The following AGPAT4 variants were observed in gnomAD, a reference collection of about 807,000 sequenced individuals.
The protein encoded by AGPAT4 is 1-acyl-sn-glycerol-3-phosphate acyltransferase delta.
Under a neutral mutation model 48.0 loss-of-function variants are expected in AGPAT4, and 15 were observed. The ratio of observed to expected loss-of-function variants is 0.31; its 90% CI spans 0.21 to 0.48. The LOEUF (loss-of-function observed/expected upper bound fraction) is 0.48. AGPAT4 is among the 20% of genes least tolerant of loss of function. The pLI, the probability that AGPAT4 is intolerant of heterozygous loss-of-function variation, is 0.99. For synonymous variants in AGPAT4, 178 were observed against 198.7 expected (o/e 0.90, Z 0.88); for missense variants, 314 against 482.5 (o/e 0.65, Z 3.27).
At chr6:161,194,190 C>T (rs985326753) in intron 2 of AGPAT4, among the ~76,000 whole-genome samples, 1 of 152,164 alleles carries the variant, frequency 6.6e-6, no homozygotes, top group Non-Finnish European at 1.5e-5. Context: ...ACAATGGATA[C>T]ATTTTGAACT....
intron 2 of AGPAT4, among the ~76,000 whole-genome samples, chr6:161,211,613 C>A (rs997707196): frequency 7.9e-5 from 12 of 151,814 alleles, no homozygotes; most frequent in Non-Finnish European, 1.5e-4. Context: ...CTGTGTAAGT[C>A]ATAAAAAGAG....
Position 161,130,891 on chromosome 6 carries a change from G to A in AGPAT4, c.*5649C>T, listed in dbSNP as rs780350289. 1 of 518,970 alleles carries A rather than the reference G, an allele frequency of 1.9e-6. No individual in the cohort carries two copies. The highest frequency in any genetic ancestry group is 3.8e-6 in the Non-Finnish European group (1 of 259,832). The allele number at this position is 518,970 out of a possible 1,614,324, so 32.1% of individuals were successfully genotyped here. A position where few individuals can be genotyped will look rare whatever the true frequency, so the allele number is the denominator to read the frequency against. On this transcript the variant is annotated 3_prime_UTR_variant, in exon 9 of 9. Transcript: ENST00000320285. ...TGATCTGCAAAGATACAGAGAGAAT[G>A]GCATTCCAAAATTCCATGGATGACT...
At chr6:161,145,922 A>T (rs1446868479) in intron 7 of AGPAT4, among the ~76,000 whole-genome samples, 1 of 151,790 alleles carries the variant, frequency 6.6e-6, no homozygotes, top group Admixed American at 6.5e-5. Context: ...TCGCTCCTTC[A>T]TAAGATCCAG....
rs1455617690 is a variant in AGPAT4, at chr6:161,164,487, C to A, written c.348+1761G>T. Reference sequence around the variant, plus strand: ...GGTCCTTACTGCAGCTGGTCTGGGTCGTTTTAGGATGGTCAGGGTCCTGTT... The same window carrying A: ...GGTCCTTACTGCAGCTGGTCTGGGTAGTTTTAGGATGGTCAGGGTCCTGTT... On this transcript the variant is annotated intron_variant, in intron 3 of 8. Transcript: ENST00000320285. This position sits in a 1 kb window ranked among gnomAD's most constrained non-coding sequence, Gnocchi z 7.4. Among the ~76,000 whole-genome samples the A allele has an allele frequency of 2.0e-5, 3 of 152,138 alleles. No individual in the cohort carries two copies. In the South Asian group the frequency reaches 6.2e-4, roughly 32 times the overall value.
chr6:161,236,286 G>A lies in AGPAT4; in HGVS notation c.-89-3984C>T, dbSNP rs1474578259. ...ATATTTCTGCGAAAAAAAAAAAGATGTTTCTTACTATCAAGGCCAAAAATG... is the reference window on the plus strand; with the variant it reads ...ATATTTCTGCGAAAAAAAAAAAGATATTTCTTACTATCAAGGCCAAAAATG... On this transcript the variant is annotated intron_variant, in intron 1 of 8. Transcript: ENST00000320285. The surrounding 1 kb of genome is among the most constrained non-coding windows in gnomAD (Gnocchi z 5.0). 1.3e-5 allele frequency among the ~76,000 whole-genome samples: 2 copies of A among 152,022 alleles called. No individual in the cohort carries two copies. Among genetic ancestry groups the A allele is most frequent in the African/African-American group, 2.4e-5 (1 of 41,396 alleles).
Position 161,220,657 on chromosome 6 carries a change from T to C in AGPAT4, c.178+11379A>G, listed in dbSNP as rs111411924. On this transcript the variant is annotated intron_variant, in intron 2 of 8. Transcript: ENST00000320285. The surrounding 1 kb of genome is among the most constrained non-coding windows in gnomAD (Gnocchi z 6.0). ...GCCCCCACCTGATTTGTGACGGGTG[T>C]CCCTCTCCTATTGCCCTTCTGCCTT... 0.01 allele frequency among the ~76,000 whole-genome samples: 1,574 copies of C among 152,284 alleles called. 27 individuals carry two copies. Among genetic ancestry groups the C allele is most frequent in the African/African-American group, 0.036 (1,487 of 41,552 alleles).
At chr6:161,188,697 C>G (rs999958200) in intron 2 of AGPAT4, among the ~76,000 whole-genome samples, 1 of 152,060 alleles carries the variant, frequency 6.6e-6, no homozygotes, top group African/African-American at 2.4e-5. Context: ...GATTCCAGTC[C>G]TTGTTAACCC....
chr6:161,150,511 T>C (rs1475342598), intron 5 of AGPAT4, among the ~76,000 whole-genome samples: 1 of 152,184 alleles, frequency 6.6e-6, no homozygotes, highest in Non-Finnish European at 1.5e-5. Flanking sequence ...GAAAGGCCCT[T>C]GGTCTGGTTG....
At chr6:161,256,104 G>A (rs907103948) in intron 1 of AGPAT4, among the ~76,000 whole-genome samples, 2 of 152,118 alleles carry the variant, frequency 1.3e-5, no homozygotes, top group Admixed American at 6.5e-5. Flanking sequence ...AGGCGAGGCC[G>A]GTTGGCAGGA....
At chr6:161,253,836 A>T (rs927582571) in intron 1 of AGPAT4, among the ~76,000 whole-genome samples, 7 of 152,174 alleles carry the variant, frequency 4.6e-5, no homozygotes, top group African/African-American at 1.7e-4. Flanking sequence ...TTTAATTGCA[A>T]AGAGTATTGC....
chr6:161,144,898 G>A lies in AGPAT4; in HGVS notation c.843+1626C>T, dbSNP rs1247175289. On this transcript the variant is annotated intron_variant, in intron 7 of 8. Transcript: ENST00000320285. This position sits in a 1 kb window ranked among gnomAD's most constrained non-coding sequence, Gnocchi z 6.6. ...TGGGAGGCTGAGGCAGGAGAATGGC[G>A]TGAACCCAGGAGGCAGAGCTTGCAG... Among the ~76,000 whole-genome samples, 2 of 151,938 alleles carry A rather than the reference G, an allele frequency of 1.3e-5. No individual in the cohort carries two copies. Among genetic ancestry groups the A allele is most frequent in the African/African-American group, 2.4e-5 (1 of 41,310 alleles).
At position 161,138,956 on chromosome 6, in the gene AGPAT4, C is replaced by T. The variant is rs937900772; in HGVS notation, c.1042+466G>A. 5.3e-5 allele frequency among the ~76,000 whole-genome samples: 8 copies of T among 152,068 alleles called. No homozygotes were observed. Among genetic ancestry groups the T allele is most frequent in the Admixed American group, 4.6e-4 (7 of 15,282 alleles). ...GCAGACCCATGAAAAGCTCTGTCGC[C>T]GAGTGTCTCCACTCAGTGTCATCCA... On this transcript the variant is annotated intron_variant, in intron 8 of 8. Transcript: ENST00000320285. This position sits in a 1 kb window ranked among gnomAD's most constrained non-coding sequence, Gnocchi z 4.8.
rs1047949226 is a variant in AGPAT4 at position 161,171,538 on chromosome 6, A to C, written c.179-5121T>G. On this transcript the variant is annotated intron_variant, in intron 2 of 8. Transcript: ENST00000320285. This position sits in a 1 kb window ranked among gnomAD's most constrained non-coding sequence, Gnocchi z 4.4. ...GAAATAATGGCATTAACAAGGGCAA[A>C]GCCCTCATGACCTAATCACCTCTTA... Among the ~76,000 whole-genome samples the C allele has an allele frequency of 3.3e-5, 5 of 152,318 alleles. No individual in the cohort carries two copies. In the East Asian group the frequency reaches 9.6e-4, roughly 29 times the overall value.
rs73786015 is a variant in AGPAT4 at position 161,165,367 on chromosome 6, T to C, written c.348+881A>G. Among the ~76,000 whole-genome samples the C allele has an allele frequency of 0.15, 22,308 of 152,128 alleles. 2,113 individuals carry two copies. Among genetic ancestry groups the C allele is most frequent in the African/African-American group, 0.27 (11,030 of 41,468 alleles). On this transcript the variant is annotated intron_variant, in intron 3 of 8. Transcript: ENST00000320285. The surrounding 1 kb of genome is among the most constrained non-coding windows in gnomAD (Gnocchi z 5.5). ...CTATGTCCTCCATGGCCTGATAGCC[T>C]CTGTCTCCAATCTTCTATATTCTAA...
At chr6:161,192,099 T>A (rs370407625) in intron 2 of AGPAT4, among the ~76,000 whole-genome samples, 26 of 151,166 alleles carry the variant, frequency 1.7e-4, no homozygotes, top group African/African-American at 6.3e-4. Context: ...CTCGCCTTCT[T>A]TTGCAATAAA....
intron 2 of AGPAT4, among the ~76,000 whole-genome samples, chr6:161,182,643 A>G (rs944383253): frequency 1.3e-5 from 2 of 152,238 alleles, no homozygotes; most frequent in Non-Finnish European, 2.9e-5. Context: ...GCTCATGGGT[A>G]AAGGGCTGCT....
chr6:161,234,709 C>G lies in AGPAT4; in HGVS notation c.-89-2407G>C, dbSNP rs1782223252. On this transcript the variant is annotated intron_variant, in intron 1 of 8. Coordinates refer to ENST00000320285, the MANE Select transcript of AGPAT4 (RefSeq NM_020133.3). This position sits in a 1 kb window ranked among gnomAD's most constrained non-coding sequence, Gnocchi z 4.4. ...TGGCCAGGCCAAGCTCGGTTTTTCA[C>G]TAGGTTTCTGGGGTCTAGAGTTTGT... Among the ~76,000 whole-genome samples, 1 of 152,204 alleles carries G rather than the reference C, an allele frequency of 6.6e-6. No homozygotes were observed. Among genetic ancestry groups the G allele is most frequent in the Admixed American group, 6.5e-5 (1 of 15,282 alleles).
At chr6:161,203,181 T>C (rs1781280645) in intron 2 of AGPAT4, among the ~76,000 whole-genome samples, 1 of 152,162 alleles carries the variant, frequency 6.6e-6, no homozygotes, top group Non-Finnish European at 1.5e-5. Flanking sequence ...ATTATCATTG[T>C]CTGTTATAGT....
At chr6:161,179,557 G>A (rs1431266276) in intron 2 of AGPAT4, among the ~76,000 whole-genome samples, 1 of 152,118 alleles carries the variant, frequency 6.6e-6, no homozygotes, top group Non-Finnish European at 1.5e-5. Flanking sequence ...TTCTTCTCCT[G>A]ATTTCTACTA....
Sources: gnomAD v4.1 joint callset for allele counts (sites outside exome capture counted in the v4.1 genomes callset) on GRCh38, gnomAD v4.1.1 for gene constraint, Gnocchi (gnomAD v3.1) non-coding constraint, MANE v1.5 for transcripts, NCBI Gene and HGNC (gene_info 2026-07-23, HGNC 2026-07-21) for gene names.